Variants in RTL4 observed in about 807,000 individuals in gnomAD.
The protein encoded by RTL4 is retrotransposon Gag like 4.
In RTL4, 4 loss-of-function variants were observed where a neutral mutation model predicts 5.3. That is an observed-to-expected ratio of 0.75 (90% CI 0.37 to 1.72). RTL4 has a LOEUF of 1.72. Ranked by LOEUF, RTL4 falls within the 40% of genes most tolerant of loss-of-function variation. RTL4 has a pLI of 0.04. For missense variants in RTL4, 260 were observed against 227.1 expected (o/e 1.14, Z -0.93); for synonymous variants, 98 against 87.3 (o/e 1.12, Z -0.68).
the RTL4 span, among the ~76,000 whole-genome samples, chrX:112,135,600 TA>T: frequency 9.0e-6 from 1 of 110,791 alleles, no homozygotes; most frequent in East Asian, 2.8e-4. Context: ...AATCTCTGCC[TA>T]AAAATATTCT....
the RTL4 span, among the ~76,000 whole-genome samples, chrX:112,396,940 T>C: frequency 8.9e-6 from 1 of 111,789 alleles, no homozygotes; most frequent in Non-Finnish European, 1.9e-5. Context: ...ATAATTAGAC[T>C]GGGTTCTGGA....
the RTL4 span, among the ~76,000 whole-genome samples, chrX:112,288,507 AT>A: frequency 7.1e-5 from 8 of 112,147 alleles, no homozygotes; most frequent in Non-Finnish European, 1.5e-4. Context: ...ATAAGCAGCT[AT>A]TACTAAATCC....
At chrX:112,321,711 A>G in the RTL4 span, among the ~76,000 whole-genome samples, 4,501 of 111,600 alleles carry the variant, frequency 0.04, 239 homozygotes, top group African/African-American at 0.14. Context: ...CTATGAAGCG[A>G]GGATGATGAA....
the RTL4 span, among the ~76,000 whole-genome samples, chrX:112,291,846 C>T: frequency 3.6e-5 from 4 of 110,400 alleles, no homozygotes; most frequent in Non-Finnish European, 1.9e-5. Flanking sequence ...CCGCCCCCCT[C>T]GGCCTCCCAA....
At chrX:112,145,581 T>A in the RTL4 span, among the ~76,000 whole-genome samples, 2 of 112,241 alleles carry the variant, frequency 1.8e-5, no homozygotes, top group African/African-American at 6.5e-5. Context: ...GTAAAGTTTC[T>A]GCCTTTATGG....
the RTL4 span, among the ~76,000 whole-genome samples, chrX:112,192,466 T>A: frequency 9.0e-6 from 1 of 111,636 alleles, no homozygotes; most frequent in African/African-American, 3.2e-5. Flanking sequence ...CATACAGCAC[T>A]GCCTTTTTTG....
chrX:112,301,036 G>A, the RTL4 span, among the ~76,000 whole-genome samples: 2 of 111,417 alleles, frequency 1.8e-5, no homozygotes, highest in East Asian at 2.8e-4. Flanking sequence ...GTTGCGTCTC[G>A]GGAGAAGTGG....
upstream of RTL4, among the ~76,000 whole-genome samples, chrX:112,454,237 A>C (rs776715149): frequency 8.9e-6 from 1 of 112,019 alleles, no homozygotes; most frequent in African/African-American, 3.2e-5. Context: ...TTAAAAAAAC[A>C]ATCACAAAAA....
At chrX:112,119,632 G>C in the RTL4 span, among the ~76,000 whole-genome samples, 2 of 111,788 alleles carry the variant, frequency 1.8e-5, no homozygotes, top group Non-Finnish European at 3.8e-5. Flanking sequence ...CAGGAAAGTT[G>C]ATGACGTTTA....
At chrX:112,108,611 C>T in the RTL4 span, among the ~76,000 whole-genome samples, 1 of 111,267 alleles carries the variant, frequency 9.0e-6, no homozygotes, top group Admixed American at 9.5e-5. Context: ...ATTGACTCTT[C>T]CGGTATAGGC....
the RTL4 span, among the ~76,000 whole-genome samples, chrX:112,408,936 C>A: frequency 8.9e-6 from 1 of 111,780 alleles, no homozygotes; most frequent in African/African-American, 3.3e-5. Flanking sequence ...AAGTATCCTT[C>A]AAAAATGAAG....
chrX:112,390,386 A>AT, the RTL4 span, among the ~76,000 whole-genome samples: 1 of 103,786 alleles, frequency 9.6e-6, no homozygotes, highest in Non-Finnish European at 2.0e-5. Context: ...CAGGAGACAG[A>AT]TTTTGTAGTG....
At chrX:112,220,841 A>C in the RTL4 span, among the ~76,000 whole-genome samples, 15 of 111,622 alleles carry the variant, frequency 1.3e-4, no homozygotes, top group Non-Finnish European at 2.8e-4. Context: ...TGTCAACATC[A>C]CTATCAGCAT....
the RTL4 span, among the ~76,000 whole-genome samples, chrX:112,295,087 A>T: frequency 2.1e-4 from 24 of 112,681 alleles, no homozygotes; most frequent in African/African-American, 7.4e-4. Flanking sequence ...GAATCATAGC[A>T]TGTCCATGAG....
chrX:112,245,227 T>A, the RTL4 span, among the ~76,000 whole-genome samples: 1 of 111,348 alleles, frequency 9.0e-6, no homozygotes, highest in Non-Finnish European at 1.9e-5. Flanking sequence ...ATTTCCTGAA[T>A]TTGAATGTTG....
chrX:112,239,874 A>C, the RTL4 span, among the ~76,000 whole-genome samples: 1 of 112,174 alleles, frequency 8.9e-6, no homozygotes, highest in South Asian at 3.7e-4. Flanking sequence ...AATAAGATCC[A>C]GAATCTTACA....
chrX:112,348,934 C>G, the RTL4 span, among the ~76,000 whole-genome samples: 1 of 110,291 alleles, frequency 9.1e-6, no homozygotes, highest in African/African-American at 3.3e-5. Flanking sequence ...CTGCCAGACA[C>G]TTTTATAAGA....
chrX:112,269,527 C>T, the RTL4 span, among the ~76,000 whole-genome samples: 1 of 111,386 alleles, frequency 9.0e-6, no homozygotes. Flanking sequence ...TAAAATGGAC[C>T]AAACTCTTTA....
At chrX:112,451,940 C>T (rs976428562), upstream of RTL4, among the ~76,000 whole-genome samples, 3 of 111,587 alleles carry the variant, frequency 2.7e-5, no homozygotes, top group Non-Finnish European at 5.6e-5. Flanking sequence ...CAAGAGCCAC[C>T]GGCATCAGAA....
Sources: gnomAD v4.1 joint callset for allele counts (sites outside exome capture counted in the v4.1 genomes callset) on GRCh38, gnomAD v4.1.1 for gene constraint, MANE v1.5 for transcripts, NCBI Gene and HGNC (gene_info 2026-07-23, HGNC 2026-07-21) for gene names.